The following AGAP1 variants were observed in gnomAD, a reference collection of about 807,000 sequenced individuals.
AGAP1 encodes the protein arf-GAP with GTPase, ANK repeat and PH domain-containing protein 1.
AGAP1 carries 29 observed loss-of-function variants against 105.3 expected under a neutral mutation model. That is an observed-to-expected ratio of 0.28 (90% CI 0.21 to 0.38). AGAP1 has a LOEUF of 0.38. AGAP1 is among the 10% of genes least tolerant of loss of function. The pLI, the probability that AGAP1 is intolerant of heterozygous loss-of-function variation, is 1.00. For synonymous variants in AGAP1, 509 were observed against 485.9 expected, an observed-to-expected ratio of 1.05 and a Z score of -0.63; for missense variants, 998 against 1,165.1, an observed-to-expected ratio of 0.86 and a Z score of 2.09.
intron 16 of AGAP1, among the ~76,000 whole-genome samples, chr2:236,110,652 C>G (rs541754991): frequency 9.2e-5 from 14 of 152,178 alleles, no homozygotes; most frequent in Non-Finnish European, 1.5e-4. Context: ...TTTTCCTAGT[C>G]TGCATAACAG....
At chr2:235,802,141 A>G (rs72983052) in intron 8 of AGAP1, among the ~76,000 whole-genome samples, 43,004 of 151,958 alleles carry the variant, frequency 0.28, 6,379 homozygotes, top group Admixed American at 0.41. Context: ...AGGAAGACTC[A>G]CTGCCAGAGT....
chr2:235,805,822 C>T (rs756137810), intron 8 of AGAP1, among the ~76,000 whole-genome samples: 2 of 152,160 alleles, frequency 1.3e-5, no homozygotes, highest in Non-Finnish European at 2.9e-5. Context: ...TTGATTTATT[C>T]CCTGTCATCT....
chr2:235,564,289 A>G (rs1460032530), intron 1 of AGAP1, among the ~76,000 whole-genome samples: 2 of 152,194 alleles, frequency 1.3e-5, no homozygotes, highest in African/African-American at 4.8e-5. Flanking sequence ...GCTTTGGAGC[A>G]GTCAGACTCT....
chr2:235,743,348 C>T (rs535031253), intron 4 of AGAP1, among the ~76,000 whole-genome samples: 4 of 152,272 alleles, frequency 2.6e-5, no homozygotes, highest in Admixed American at 1.3e-4. Flanking sequence ...GCTCCCGGCT[C>T]GGGAACTGAG....
rs373343334 is a variant in AGAP1 at position 236,124,337 on chromosome 2, C to T, written c.*215C>T. On this transcript the variant is annotated 3_prime_UTR_variant, in exon 18 of 18. Transcript: ENST00000304032. This position sits in a 1 kb window ranked among gnomAD's most constrained non-coding sequence, Gnocchi z 5.1. Reference sequence around the variant, plus strand: ...CGGCCGGGAGACTGCAGAAGTGGCTCCTTTTCATAAACTCCCCTAAACCAC... The same window carrying T: ...CGGCCGGGAGACTGCAGAAGTGGCTTCTTTTCATAAACTCCCCTAAACCAC... The T allele has an allele frequency of 8.7e-5, 54 of 617,226 alleles. No individual in the cohort carries two copies. In the East Asian group the frequency reaches 1.4e-3, roughly 16 times the overall value. 38.2% of individuals were successfully genotyped at this position (617,226 alleles called of 1,614,324 possible).
chr2:235,626,448 G>A (rs929771599), intron 1 of AGAP1, among the ~76,000 whole-genome samples: 6 of 152,208 alleles, frequency 3.9e-5, no homozygotes, highest in African/African-American at 1.4e-4. Context: ...TCTGGGTGCA[G>A]TGCATGGCAC....
rs1575689383 is a variant in AGAP1, at chr2:235,883,483, G to A, written c.1155+34G>A. The A allele has an allele frequency of 6.4e-7, 1 of 1,563,808 alleles. No homozygotes were observed. Among genetic ancestry groups the A allele is most frequent in the Non-Finnish European group, 8.8e-7 (1 of 1,136,022 alleles). The stretch of plus-strand genomic sequence containing the variant: ...AGCCCCCTCGGAGCAATTAACAGCT[G>A]CAGACCTCAACTAAACACTGTGGGG... On this transcript the variant is annotated intron_variant, in intron 10 of 17. Coordinates refer to ENST00000304032, the MANE Select transcript of AGAP1 (RefSeq NM_001037131.3). This position sits in a 1 kb window ranked among gnomAD's most constrained non-coding sequence, Gnocchi z 4.5.
At chr2:235,886,609 A>G (rs2050288209) in intron 10 of AGAP1, among the ~76,000 whole-genome samples, 1 of 152,116 alleles carries the variant, frequency 6.6e-6, no homozygotes, top group Non-Finnish European at 1.5e-5. Context: ...AGAGGGGCGC[A>G]ATGGGGCTTT....
chr2:236,009,241 C>T lies in AGAP1; in HGVS notation c.1646-27320C>T, dbSNP rs977647268. Among the ~76,000 whole-genome samples, 2 of 152,172 alleles carry T rather than the reference C, an allele frequency of 1.3e-5. No individual in the cohort carries two copies. Among genetic ancestry groups the T allele is most frequent in the African/African-American group, 2.4e-5 (1 of 41,454 alleles). ...TACACCGTCTTGTTGAGCAAATGAA[C>T]GTTCAAATGGCCAGCACAAAAGAAA... On this transcript the variant is annotated intron_variant, in intron 13 of 17. Coordinates refer to ENST00000304032, the MANE Select transcript of AGAP1 (RefSeq NM_001037131.3). The surrounding 1 kb of genome is among the most constrained non-coding windows in gnomAD (Gnocchi z 4.2).
intron 6 of AGAP1, chr2:235,773,878 T>A: frequency 2.2e-6 from 1 of 448,238 alleles, no homozygotes; most frequent in Non-Finnish European, 4.5e-6. Flanking sequence ...CAACATTTAT[T>A]GAAGAGACTT....
intron 1 of AGAP1, among the ~76,000 whole-genome samples, chr2:235,647,311 CA>C (rs61623029): frequency 0.72 from 108,839 of 151,970 alleles, 39,056 homozygotes; most frequent in East Asian, 0.81. Context: ...TGAGGGTACC[CA>C]TGTAGCATGA....
At position 235,517,432 on chromosome 2, in the gene AGAP1, G is replaced by A. The variant is rs185335260; in HGVS notation, c.163+22583G>A. Among the ~76,000 whole-genome samples, 1 of 152,258 alleles carries A rather than the reference G, an allele frequency of 6.6e-6. No individual in the cohort carries two copies. Among genetic ancestry groups the A allele is most frequent in the African/African-American group, 2.4e-5 (1 of 41,542 alleles). On this transcript the variant is annotated intron_variant, in intron 1 of 17. Coordinates refer to ENST00000304032, the MANE Select transcript of AGAP1 (RefSeq NM_001037131.3). This position sits in a 1 kb window ranked among gnomAD's most constrained non-coding sequence, Gnocchi z 4.1. ...GTTTCGTCACTTAACCCAGAGCAGG[G>A]CTTTGACGACATAGCTGTGCCCAAC...
In AGAP1 at chr2:236,044,476, C is replaced by G. The variant is rs545880351; in HGVS notation, c.1891+3635C>G. Among the ~76,000 whole-genome samples, 239 of 152,268 alleles carry G rather than the reference C, an allele frequency of 1.6e-3. No homozygotes were observed. Among genetic ancestry groups the G allele is most frequent in the African/African-American group, 5.5e-3 (230 of 41,556 alleles). ...CCCATGAAGCCCTGGTTGGAGCTGA[C>G]CGTGCGCTGGTCCCTCCCACCCTGC... On this transcript the variant is annotated intron_variant, in intron 15 of 17. Transcript: ENST00000304032. This position sits in a 1 kb window ranked among gnomAD's most constrained non-coding sequence, Gnocchi z 5.7.
intron 6 of AGAP1, among the ~76,000 whole-genome samples, chr2:235,772,710 G>A (rs1230395026): frequency 6.6e-6 from 1 of 152,238 alleles, no homozygotes; most frequent in Non-Finnish European, 1.5e-5. Flanking sequence ...ACAAGGCAGA[G>A]AGTTCATTGT....
intron 1 of AGAP1, among the ~76,000 whole-genome samples, chr2:235,698,465 C>T (rs1282879582): frequency 3.3e-5 from 5 of 152,132 alleles, no homozygotes; most frequent in East Asian, 1.9e-4. Context: ...ATTTAACCTA[C>T]GGATTTTGTT....
rs993516908 is a variant in AGAP1 at position 236,050,416 on chromosome 2, T to C, written c.2114+1135T>C. 1.3e-5 allele frequency among the ~76,000 whole-genome samples: 2 copies of C among 152,200 alleles called. No individual in the cohort carries two copies. The highest frequency in any genetic ancestry group is 2.4e-5 in the African/African-American group (1 of 41,442). On this transcript the variant is annotated intron_variant, in intron 16 of 17. Coordinates refer to ENST00000304032, the MANE Select transcript of AGAP1 (RefSeq NM_001037131.3). This position sits in a 1 kb window ranked among gnomAD's most constrained non-coding sequence, Gnocchi z 4.0. The stretch of plus-strand genomic sequence containing the variant: ...AAGAACATATTTGTTTAAAATTGCA[T>C]GGTTTTGATACGCGACCTCTTTATG...
chr2:235,665,496 G>A lies in AGAP1; in HGVS notation c.164-43683G>A, dbSNP rs571408448. 2.0e-5 allele frequency among the ~76,000 whole-genome samples: 3 copies of A among 152,208 alleles called. No homozygotes were observed. The highest frequency in any genetic ancestry group is 4.4e-5 in the Non-Finnish European group (3 of 68,050). ...GCTGGAGTGTCCCAGGCAAAGGGATGCGTGCAGAATTTTCAGTTCCTAGAA... is the reference window on the plus strand; with the variant it reads ...GCTGGAGTGTCCCAGGCAAAGGGATACGTGCAGAATTTTCAGTTCCTAGAA... On this transcript the variant is annotated intron_variant, in intron 1 of 17. Transcript: ENST00000304032. This position sits in a 1 kb window ranked among gnomAD's most constrained non-coding sequence, Gnocchi z 5.3.
rs1944357076 is a variant in AGAP1, at chr2:235,566,686, G to C, written c.163+71837G>C. ...AGCCGGGACCGGGGAGAGGCTGTTC[G>C]AGGAACACAGGATGCATATTCAGGC... On this transcript the variant is annotated intron_variant, in intron 1 of 17. Transcript: ENST00000304032. This position sits in a 1 kb window ranked among gnomAD's most constrained non-coding sequence, Gnocchi z 5.2. The C allele has an allele frequency of 1.2e-6, 1 of 811,162 alleles. No individual in the cohort carries two copies. Among genetic ancestry groups the C allele is most frequent in the Non-Finnish European group, 1.5e-6 (1 of 670,756 alleles). 50.2% of individuals were successfully genotyped at this position (811,162 alleles called of 1,614,324 possible).
chr2:236,094,297 A>G (rs977428134), intron 16 of AGAP1, among the ~76,000 whole-genome samples: 26 of 152,096 alleles, frequency 1.7e-4, no homozygotes, highest in Non-Finnish European at 2.4e-4. Context: ...TCTTTAAAAA[A>G]AAAAAAAAAT....
Sources: allele counts gnomAD v4.1 joint callset (sites outside exome capture counted in the v4.1 genomes callset), GRCh38; gene constraint gnomAD v4.1.1; non-coding constraint Gnocchi (gnomAD v3.1); transcripts MANE v1.5; gene names NCBI Gene and HGNC (gene_info 2026-07-23, HGNC 2026-07-21).